The following SLC30A5 variants were observed in gnomAD, a reference collection of about 807,000 sequenced individuals.
SLC30A5 encodes solute carrier family 30 member 5.
Under a neutral mutation model 79.6 loss-of-function variants are expected in SLC30A5, and 33 were observed. The observed-to-expected ratio is 0.41, with a 90% CI of 0.31 to 0.55. The LOEUF (loss-of-function observed/expected upper bound fraction) is 0.55. SLC30A5 is among the 20% of genes least tolerant of loss of function. The probability of loss-of-function intolerance (pLI) is 0.20; values close to 1 mark genes in which losing one functional copy is unlikely to be tolerated. For missense variants in SLC30A5, 788 were observed against 928.1 expected (o/e 0.85, Z 1.96); for synonymous variants, 299 against 319.7 (o/e 0.94, Z 0.69).
intron 11 of SLC30A5, among the ~76,000 whole-genome samples, chr5:69,117,991 C>T (rs1410256742): frequency 6.7e-6 from 1 of 149,754 alleles, no homozygotes; most frequent in African/African-American, 2.5e-5. Flanking sequence ...CTGGCTAACA[C>T]GGTGAAACCC....
Position 69,121,859 on chromosome 5 carries a change from G to A in SLC30A5, c.1735G>A (p.Gly579Arg). The change falls in exon 13 of 16, where the codon GGA becomes AGA. Residue 579 changes from glycine (G) to arginine (R), a missense_variant. Around this residue, in one of 3 missense-constraint regions of SLC30A5, gnomAD observed 626 missense variants for 755.5 expected, o/e 0.83. Transcript: ENST00000396591. ...TGACCATGGGCATGGTCACAGCCAC[G>A]GATCTGCGGGTGGAGGCATGAATGC... The part of the protein sequence containing the change: ...HSDHGHGHSH[G>R]SAGGGMNANM... 4 of 1,613,656 alleles carry A rather than the reference G, an allele frequency of 2.5e-6. No individual in the cohort carries two copies. Among genetic ancestry groups the A allele is most frequent in the Non-Finnish European group, 2.5e-6 (3 of 1,179,888 alleles).
At chr5:69,121,020 T>C (rs574359117) in intron 12 of SLC30A5, among the ~76,000 whole-genome samples, 3 of 152,268 alleles carry the variant, frequency 2.0e-5, no homozygotes, top group African/African-American at 4.8e-5. Context: ...AGGCCAGGCA[T>C]AGTGGCTCAT....
chr5:69,126,799 AACAACAAC>A (rs1746706662), intron 14 of SLC30A5, among the ~76,000 whole-genome samples: 3 of 150,404 alleles, frequency 2.0e-5, no homozygotes, highest in African/African-American at 7.3e-5. Context: ...CAACAACAAC[AACAACAAC>A]AAAATATATA....
chr5:69,104,631 T>G lies in SLC30A5; in HGVS notation c.274T>G (p.Trp92Gly). The G allele has an allele frequency of 6.6e-7, 1 of 1,525,008 alleles. No individual in the cohort carries two copies. The highest frequency in any genetic ancestry group is 8.8e-7 in the Non-Finnish European group (1 of 1,134,668). The allele number at this position is 1,525,008 out of a possible 1,614,324, so 94.5% of individuals were successfully genotyped here. A position where few individuals can be genotyped will look rare whatever the true frequency, so the allele number is the denominator to read the frequency against. Residue 92 changes from tryptophan to glycine, a missense_variant and splice_region_variant, in exon 4 of 16, where the codon TGG becomes GGG. Trp to Gly is a radical substitution (Grantham distance 184). Transcript: ENST00000396591. ...TTAATTTTTTTGTTTCCATTTATAG[T>G]GGATCAAAATATTTAAACATGCAGT... ...SSGKTITKHQ[W>G]IKIFKHAVAG...
intron 12 of SLC30A5, among the ~76,000 whole-genome samples, chr5:69,119,854 T>C (rs1411962914): frequency 6.6e-6 from 1 of 151,826 alleles, no homozygotes; most frequent in Admixed American, 6.6e-5. Context: ...ACCCCATCTC[T>C]ACTAAAAATA....
Position 69,108,390 on chromosome 5 carries a change from C to T in SLC30A5, c.401C>T (p.Ser134Leu), listed in dbSNP as rs1215460024. The T allele has an allele frequency of 1.2e-6, 2 of 1,613,722 alleles. No homozygotes were observed. Among genetic ancestry groups the T allele is most frequent in the Non-Finnish European group, 1.7e-6 (2 of 1,179,852 alleles). Residue 134 changes from serine (S) to leucine (L), a missense_variant, in exon 5 of 16, where the codon TCA becomes TTA. Ser to Leu is a moderately radical substitution (Grantham distance 145). This residue lies in a region of SLC30A5 where 626 missense variants were observed against 755.5 expected (regional missense o/e 0.83). Transcript: ENST00000396591. Reference protein sequence around the residue: ...LFEHSDIVVISLLSVLFTSSG... With the variant: ...LFEHSDIVVILLLSVLFTSSG... ...GAGCACAGTGATATTGTTGTCATTT[C>T]ACTACTCAGTGTTTTGTTCACCAGT...
At chr5:69,114,551 T>A in intron 7 of SLC30A5, 55 bp downstream of exon 7, 1 of 1,065,226 alleles carries the variant, frequency 9.4e-7, no homozygotes, top group Non-Finnish European at 1.5e-6. Context: ...TTGTAGCAAC[T>A]ATAACTATAA....
intron 1 of SLC30A5, 60 bp downstream of exon 1, chr5:69,094,398 G>T (rs1378374281): frequency 7.3e-6 from 9 of 1,239,838 alleles, no homozygotes; most frequent in Non-Finnish European, 9.1e-6. Flanking sequence ...ACTTTCTCCG[G>T]CCTCCCTCCG....
At chr5:69,117,423 A>G in intron 11 of SLC30A5, 27 bp downstream of exon 11, 1 of 1,598,482 alleles carries the variant, frequency 6.3e-7, no homozygotes, top group East Asian at 2.2e-5. Context: ...TCGAGGTGGT[A>G]TATCTTAAGT....
chr5:69,100,695 G>T, intron 1 of SLC30A5, 112 bp from the exon 2 acceptor site: 1 of 812,430 alleles, frequency 1.2e-6, no homozygotes, highest in South Asian at 2.1e-5. Flanking sequence ...TTCATTTTGT[G>T]TTTATGTATA....
chr5:69,116,565 A>G lies in SLC30A5; in HGVS notation c.1244A>G (p.Asp415Gly). The change falls in exon 10 of 16, where the codon GAC becomes GGC. Residue 415 changes from aspartate (D) to glycine (G), a missense_variant. By Grantham distance (94) the Asp-to-Gly change is moderately conservative. This residue lies in a region of SLC30A5 where 626 missense variants were observed against 755.5 expected (regional missense o/e 0.83). Coordinates refer to ENST00000396591, the MANE Select transcript of SLC30A5 (RefSeq NM_022902.5). The surrounding 1 kb of genome is among the most constrained non-coding windows in gnomAD (Gnocchi z 4.0). ...ESLKQILEES[D>G]SRQIFYFLCL... The stretch of plus-strand genomic sequence containing the variant: ...CTAAAACAAATTCTTGAGGAGAGTG[A>G]CTCTAGGCAGATCTTTTACTTCTTG... 3 of 1,592,186 alleles carry G rather than the reference A, an allele frequency of 1.9e-6. No homozygotes were observed. The highest frequency in any genetic ancestry group is 2.6e-6 in the Non-Finnish European group (3 of 1,172,744).
chr5:69,104,970 T>A (rs1245784917), intron 4 of SLC30A5, among the ~76,000 whole-genome samples: 6 of 152,204 alleles, frequency 3.9e-5, no homozygotes, highest in Non-Finnish European at 8.8e-5. Context: ...TTCAGAAAAT[T>A]TTTAGCATAA....
At chr5:69,101,606 C>A (rs1462879319) in intron 2 of SLC30A5, among the ~76,000 whole-genome samples, 1 of 150,292 alleles carries the variant, frequency 6.7e-6, no homozygotes, top group Non-Finnish European at 1.5e-5. Flanking sequence ...ATAAAGATTT[C>A]TTGGACCTTG....
intron 12 of SLC30A5, among the ~76,000 whole-genome samples, chr5:69,118,835 C>CT (rs1340262512): frequency 3.4e-5 from 4 of 119,134 alleles, no homozygotes; most frequent in Non-Finnish European, 4.9e-5. Flanking sequence ...GACAGAGTCT[C>CT]TGTTTTCCAG....
At chr5:69,120,261 G>C (rs560694402) in intron 12 of SLC30A5, among the ~76,000 whole-genome samples, 1 of 152,160 alleles carries the variant, frequency 6.6e-6, no homozygotes, top group South Asian at 2.1e-4. Context: ...GCGGGCGCCT[G>C]TAATCCCAGC....
At chr5:69,094,996 T>A (rs1404282477) in intron 1 of SLC30A5, among the ~76,000 whole-genome samples, 1 of 152,104 alleles carries the variant, frequency 6.6e-6, no homozygotes, top group African/African-American at 2.4e-5. Context: ...AGCGACCACT[T>A]TCTAGTGTAT....
intron 12 of SLC30A5, among the ~76,000 whole-genome samples, chr5:69,121,245 A>G (rs1265620983): frequency 6.6e-6 from 1 of 152,248 alleles, no homozygotes; most frequent in Non-Finnish European, 1.5e-5. Flanking sequence ...AAGACATAAT[A>G]AGACCATATT....
chr5:69,103,321 T>TA (rs1335460600), intron 3 of SLC30A5, among the ~76,000 whole-genome samples, 193 bp downstream of exon 3: 2 of 151,926 alleles, frequency 1.3e-5, no homozygotes, highest in South Asian at 2.1e-4. Context: ...GGAATGTTTT[T>TA]AAAAAAAACA....
In SLC30A5 at chr5:69,104,673, TC is replaced by T; in HGVS notation, c.317del (p.Ser106TyrfsTer14). 6.3e-7 allele frequency: 1 copy of T among 1,581,910 alleles called. No individual in the cohort carries two copies. The highest frequency in any genetic ancestry group is 8.6e-7 in the Non-Finnish European group (1 of 1,168,282). On this transcript the variant is annotated frameshift_variant, in exon 4 of 16. Coordinates refer to ENST00000396591, the MANE Select transcript of SLC30A5 (RefSeq NM_022902.5). LOFTEE classifies it high-confidence loss of function. ...FKHAVAGCIISLLWFFGLTLC... is the reference protein window; with the variant it reads ...FKHAVAGCIIXLLWFFGLTLC... ...ACATGCAGTTGCTGGGTGTATTATT[TC>T]ACTCTTGTGGTTTTTTGGCCTCACT... is the stretch of plus-strand genomic sequence containing the variant.
Sources: allele counts gnomAD v4.1 joint callset (sites outside exome capture counted in the v4.1 genomes callset), GRCh38; gene constraint gnomAD v4.1.1; regional missense constraint gnomAD v4.1.1; non-coding constraint Gnocchi (gnomAD v3.1); transcripts MANE v1.5; gene names NCBI Gene and HGNC (gene_info 2026-07-23, HGNC 2026-07-21).